The following MBOAT1 variants were observed in gnomAD, a reference collection of about 807,000 sequenced individuals.
MBOAT1 encodes the protein membrane-bound glycerophospholipid O-acyltransferase 1.
In MBOAT1, 67 loss-of-function variants were observed where a neutral mutation model predicts 64.4. The observed-to-expected ratio is 1.04, with a 90% CI of 0.85 to 1.27. The LOEUF (loss-of-function observed/expected upper bound fraction) is 1.27. Ranked by LOEUF, MBOAT1 falls within the 50% of genes most tolerant of loss-of-function variation. The probability of loss-of-function intolerance (pLI) is 0.00; values close to 1 mark genes in which losing one functional copy is unlikely to be tolerated. For missense variants in MBOAT1, 563 were observed against 604.6 expected, an observed-to-expected ratio of 0.93 and a Z score of 0.72; for synonymous variants, 229 against 218.9, an observed-to-expected ratio of 1.05 and a Z score of -0.41.
chr6:20,122,347 C>A (rs1396414777), intron 8 of MBOAT1, among the ~76,000 whole-genome samples: 1 of 152,162 alleles, frequency 6.6e-6, no homozygotes, highest in Non-Finnish European at 1.5e-5. Flanking sequence ...TCATCCGTTT[C>A]TCTTTATTCC....
At chr6:20,106,737 A>G (rs111292285) in intron 12 of MBOAT1, among the ~76,000 whole-genome samples, 1 of 152,276 alleles carries the variant, frequency 6.6e-6, no homozygotes, top group Non-Finnish European at 1.5e-5. Flanking sequence ...AGAAACTTCT[A>G]TTGGACAGAG....
At chr6:20,120,205 C>T (rs986228032) in intron 8 of MBOAT1, among the ~76,000 whole-genome samples, 4 of 152,152 alleles carry the variant, frequency 2.6e-5, no homozygotes, top group South Asian at 4.1e-4. Flanking sequence ...AATCATCTAA[C>T]GTCTAAAAAC....
chr6:20,126,482 A>G, intron 7 of MBOAT1, 35 bp downstream of exon 7: 1 of 1,556,812 alleles, frequency 6.4e-7, no homozygotes, highest in Non-Finnish European at 8.7e-7. Context: ...CAACCCTGGC[A>G]GCAAAACCCT....
rs150742513 is a variant in MBOAT1 at position 20,154,256 on chromosome 6, G to T, written c.100-1487C>A. On this transcript the variant is annotated intron_variant, in intron 1 of 12. Coordinates refer to ENST00000324607, the MANE Select transcript of MBOAT1 (RefSeq NM_001080480.3). ...TTTTTTAAAGTTGACCGTTGGCCAG[G>T]CGCGGTGGCTCACGCCTGTAATCCC... 9.1e-3 allele frequency among the ~76,000 whole-genome samples: 1,388 copies of T among 152,328 alleles called. 29 individuals carry two copies. Among genetic ancestry groups the T allele is most frequent in the African/African-American group, 0.032 (1,317 of 41,568 alleles).
rs1418725898 is a variant in MBOAT1, at chr6:20,100,622, C to T, written c.*1664G>A. 6.6e-6 allele frequency among the ~76,000 whole-genome samples: 1 copy of T among 152,178 alleles called. No individual in the cohort carries two copies. Among genetic ancestry groups the T allele is most frequent in the Non-Finnish European group, 1.5e-5 (1 of 68,038 alleles). The stretch of plus-strand genomic sequence containing the variant: ...GCACATCACATTCACATTTCACTAT[C>T]CTAAGAGAAGCAGCAGTAGGACACC... On this transcript the variant is annotated 3_prime_UTR_variant, in exon 13 of 13. Transcript: ENST00000324607.
At chr6:20,210,167 A>T (rs1350417681) in intron 1 of MBOAT1, among the ~76,000 whole-genome samples, 1 of 152,164 alleles carries the variant, frequency 6.6e-6, no homozygotes, top group Non-Finnish European at 1.5e-5. Context: ...CAACCTCAAA[A>T]GGTAGGTCTT....
chr6:20,166,714 G>A (rs1246554082), intron 1 of MBOAT1, among the ~76,000 whole-genome samples: 1 of 152,114 alleles, frequency 6.6e-6, no homozygotes, highest in Non-Finnish European at 1.5e-5. Flanking sequence ...GAGGCGGGAG[G>A]ATGGTTTGAG....
intron 1 of MBOAT1, among the ~76,000 whole-genome samples, chr6:20,191,843 T>C (rs1033130965): frequency 1.3e-5 from 2 of 152,212 alleles, no homozygotes; most frequent in Non-Finnish European, 2.9e-5. Flanking sequence ...AATAAAGTAC[T>C]ATAACTGGAA....
At chr6:20,152,532 T>C (rs1761545991) in intron 2 of MBOAT1, 92 bp downstream of exon 2, 1 of 1,292,678 alleles carries the variant, frequency 7.7e-7, no homozygotes, top group African/African-American at 1.5e-5. Context: ...TATTTTATAA[T>C]GCCATCTATT....
intron 8 of MBOAT1, among the ~76,000 whole-genome samples, chr6:20,120,714 C>G (rs1760471552): frequency 1.3e-5 from 2 of 152,134 alleles, no homozygotes; most frequent in South Asian, 4.1e-4. Flanking sequence ...ATGCCAGAAT[C>G]TCAATCCTAG....
chr6:20,192,814 G>A (rs986665485), intron 1 of MBOAT1, among the ~76,000 whole-genome samples: 6 of 151,830 alleles, frequency 4.0e-5, no homozygotes, highest in East Asian at 1.9e-4. Context: ...AAGGTCACAC[G>A]CTTAATAAAT....
intron 5 of MBOAT1, among the ~76,000 whole-genome samples, chr6:20,129,422 C>T (rs1440515035): frequency 1.3e-5 from 2 of 152,116 alleles, no homozygotes; most frequent in African/African-American, 4.8e-5. Context: ...GAAGTATTAT[C>T]TTAAAAGCAA....
chr6:20,210,008 T>G (rs1278871659), intron 1 of MBOAT1, among the ~76,000 whole-genome samples: 1 of 152,230 alleles, frequency 6.6e-6, no homozygotes, highest in Admixed American at 6.5e-5. Context: ...CAACATCCTT[T>G]GTTGATTCCC....
Position 20,187,426 on chromosome 6 carries a change from G to A in MBOAT1, c.99+24710C>T, listed in dbSNP as rs554640089. On this transcript the variant is annotated intron_variant, in intron 1 of 12. Transcript: ENST00000324607. ...AATGGCCCCTCCACATGCAACTAATGCATACGGTGGGTGTTCATGGGGAGT... is the reference window on the plus strand; with the variant it reads ...AATGGCCCCTCCACATGCAACTAATACATACGGTGGGTGTTCATGGGGAGT... Among the ~76,000 whole-genome samples, 7 of 152,338 alleles carry A rather than the reference G, an allele frequency of 4.6e-5. No homozygotes were observed. In the East Asian group the frequency reaches 1.4e-3, roughly 29 times the overall value.
intron 1 of MBOAT1, among the ~76,000 whole-genome samples, chr6:20,205,986 C>T (rs151134896): frequency 9.2e-5 from 14 of 152,232 alleles, no homozygotes; most frequent in East Asian, 1.9e-4. Flanking sequence ...CTTGCATCCA[C>T]GTGCTGCCCC....
At chr6:20,105,106 A>G (rs1280489428) in intron 12 of MBOAT1, among the ~76,000 whole-genome samples, 2 of 152,216 alleles carry the variant, frequency 1.3e-5, no homozygotes, top group East Asian at 3.8e-4. Flanking sequence ...TGGGATTCTC[A>G]TGGGCACACC....
chr6:20,160,782 A>G (rs1561769596), intron 1 of MBOAT1, among the ~76,000 whole-genome samples: 1 of 152,232 alleles, frequency 6.6e-6, no homozygotes, highest in Non-Finnish European at 1.5e-5. Flanking sequence ...AAGTGACTGT[A>G]GAATACCCTT....
At chr6:20,176,183 C>T (rs781643942) in intron 1 of MBOAT1, among the ~76,000 whole-genome samples, 1 of 152,042 alleles carries the variant, frequency 6.6e-6, no homozygotes, top group Admixed American at 6.6e-5. Flanking sequence ...ACTAAGGAGG[C>T]CTAGGCAGGA....
intron 5 of MBOAT1, among the ~76,000 whole-genome samples, chr6:20,129,570 A>G (rs1173056144): frequency 1.3e-5 from 2 of 152,190 alleles, no homozygotes; most frequent in African/African-American, 4.8e-5. Context: ...GGAAAAAAAA[A>G]AAAGGCGAGT....
Sources: gnomAD v4.1 joint callset for allele counts (sites outside exome capture counted in the v4.1 genomes callset) on GRCh38, gnomAD v4.1.1 for gene constraint, MANE v1.5 for transcripts, NCBI Gene and HGNC (gene_info 2026-07-23, HGNC 2026-07-21) for gene names.